The following CDH4 variants were observed in gnomAD, a reference collection of about 807,000 sequenced individuals.
The protein encoded by CDH4 is cadherin 4.
Under a neutral mutation model 86.0 loss-of-function variants are expected in CDH4, and 33 were observed. That is an observed-to-expected ratio of 0.38 (90% CI 0.29 to 0.51). CDH4 has a LOEUF of 0.51. Ranked by LOEUF, CDH4 falls within the 20% of genes least tolerant of loss-of-function variation. The probability of loss-of-function intolerance (pLI) is 0.86; values close to 1 mark genes in which losing one functional copy is unlikely to be tolerated. For synonymous variants in CDH4, 555 were observed against 549.4 expected, an observed-to-expected ratio of 1.01 and a Z score of -0.14; for missense variants, 1,114 against 1,307.4, an observed-to-expected ratio of 0.85 and a Z score of 2.28.
At chr20:61,564,285 G>A (rs948841670) in intron 2 of CDH4, among the ~76,000 whole-genome samples, 2 of 152,208 alleles carry the variant, frequency 1.3e-5, no homozygotes, top group African/African-American at 4.8e-5. Context: ...TGGCCATTAA[G>A]CACAGTGTGT....
intron 2 of CDH4, among the ~76,000 whole-genome samples, chr20:61,349,182 G>A (rs74851981): frequency 0.2 from 30,092 of 152,096 alleles, 2,950 homozygotes; most frequent in Middle Eastern, 0.35. Flanking sequence ...CAGCCCCGAT[G>A]GACAGGCTGG....
Position 61,773,025 on chromosome 20 carries a change from T to C in CDH4, c.419T>C (p.Val140Ala), listed in dbSNP as rs2088794217. 6.2e-7 allele frequency: 1 copy of C among 1,611,740 alleles called. No individual in the cohort carries two copies. The highest frequency in any genetic ancestry group is 8.5e-7 in the Non-Finnish European group (1 of 1,178,468). The change falls in exon 4 of 16, where the codon GTG becomes GCG. Residue 140 changes from valine to alanine, a missense_variant. Physicochemically the swap from Val to Ala is moderately conservative, Grantham distance 64. Coordinates refer to ENST00000614565, the MANE Select transcript of CDH4 (RefSeq NM_001794.5). ...AAGCCGCAGAAAGGAAAGAAGGTCG[T>C]GGCTCTGGACCCCTCTCCGCCTCCG... is the stretch of plus-strand genomic sequence containing the variant. ...GHKPQKGKKVVALDPSPPPKD... is the reference protein window; with the variant it reads ...GHKPQKGKKVAALDPSPPPKD...
intron 2 of CDH4, among the ~76,000 whole-genome samples, chr20:61,427,994 A>T (rs1251056813): frequency 1.3e-5 from 2 of 152,170 alleles, no homozygotes; most frequent in Non-Finnish European, 2.9e-5. Context: ...CAGAGAAAAG[A>T]GAACTACTGA....
At position 61,587,774 on chromosome 20, in the gene CDH4, G is replaced by A. The variant is rs561372756; in HGVS notation, c.170-155789G>A. 5.3e-4 allele frequency among the ~76,000 whole-genome samples: 81 copies of A among 152,278 alleles called. 1 individual carries two copies. The highest frequency in any genetic ancestry group is 1.8e-3 in the African/African-American group (76 of 41,554). Reference sequence around the variant, plus strand: ...CTGAAGGAAAATTAAGCAGCAGAAAGCAGCCACTTTCACTATTATTTATTG... The same window carrying A: ...CTGAAGGAAAATTAAGCAGCAGAAAACAGCCACTTTCACTATTATTTATTG... On this transcript the variant is annotated intron_variant, in intron 2 of 15. Transcript: ENST00000614565.
At chr20:61,739,174 T>A (rs887648518) in intron 2 of CDH4, 1 of 152,348 alleles carries the variant, frequency 6.6e-6, no homozygotes, top group African/African-American at 2.4e-5. Context: ...TCACTCGCCT[T>A]CACGCCTGGG....
At chr20:61,869,253 T>C (rs1195695896) in intron 6 of CDH4, among the ~76,000 whole-genome samples, 2 of 152,162 alleles carry the variant, frequency 1.3e-5, no homozygotes, top group Non-Finnish European at 2.9e-5. Flanking sequence ...AAAAAGAGCA[T>C]ACAGCAGAGG....
chr20:61,815,348 C>T (rs942761015), intron 4 of CDH4, among the ~76,000 whole-genome samples: 10 of 152,200 alleles, frequency 6.6e-5, no homozygotes, highest in African/African-American at 1.9e-4. Flanking sequence ...TTTGTGCCCA[C>T]GAAGGATTTG....
At chr20:61,628,182 A>C (rs115032112) in intron 2 of CDH4, among the ~76,000 whole-genome samples, 2 of 152,072 alleles carry the variant, frequency 1.3e-5, no homozygotes, top group Non-Finnish European at 2.9e-5. Context: ...TCTCATTCAC[A>C]TGTGCGGTTT....
At chr20:61,257,761 T>C (rs2084106913) in intron 2 of CDH4, among the ~76,000 whole-genome samples, 1 of 152,216 alleles carries the variant, frequency 6.6e-6, no homozygotes, top group Admixed American at 6.5e-5. Context: ...TAATAATTAA[T>C]GGCCAGCCCG....
chr20:61,279,712 C>T (rs911594564), intron 2 of CDH4, among the ~76,000 whole-genome samples: 16 of 152,296 alleles, frequency 1.1e-4, no homozygotes, highest in Middle Eastern at 3.4e-3. Flanking sequence ...TTCCAATTTC[C>T]GAGAAATGGG....
At chr20:61,359,749 G>A (rs1041489166) in intron 2 of CDH4, among the ~76,000 whole-genome samples, 7 of 152,224 alleles carry the variant, frequency 4.6e-5, no homozygotes, top group Non-Finnish European at 8.8e-5. Flanking sequence ...CAAGTCTACA[G>A]TGTGCCCTGA....
intron 2 of CDH4, among the ~76,000 whole-genome samples, chr20:61,341,072 C>G (rs561608605): frequency 1.3e-5 from 2 of 152,320 alleles, no homozygotes; most frequent in South Asian, 4.1e-4. Flanking sequence ...ACCTCCTTCC[C>G]TGGAGAGACA....
chr20:61,625,922 C>T (rs1021585996), intron 2 of CDH4, among the ~76,000 whole-genome samples: 14 of 152,232 alleles, frequency 9.2e-5, no homozygotes, highest in Non-Finnish European at 1.9e-4. Flanking sequence ...CTTGACTTCT[C>T]GTCCCACCTC....
chr20:61,581,463 C>T (rs1034796081), intron 2 of CDH4, among the ~76,000 whole-genome samples: 4 of 152,158 alleles, frequency 2.6e-5, no homozygotes, highest in Non-Finnish European at 4.4e-5. Flanking sequence ...CTGGCCCCTC[C>T]TCCATCTTCA....
intron 2 of CDH4, among the ~76,000 whole-genome samples, chr20:61,410,694 T>C (rs1369230905): frequency 6.6e-6 from 1 of 151,644 alleles, no homozygotes; most frequent in Non-Finnish European, 1.5e-5. Context: ...TGTCCATCTG[T>C]TTATCCAGTC....
intron 3 of CDH4, among the ~76,000 whole-genome samples, chr20:61,756,460 A>C (rs553270989): frequency 3.2e-4 from 49 of 152,152 alleles, no homozygotes; most frequent in African/African-American, 1.2e-3. Flanking sequence ...TCTCCTGCAC[A>C]GGCCTGTCCC....
At chr20:61,803,497 G>A (rs996204946) in intron 4 of CDH4, among the ~76,000 whole-genome samples, 10 of 152,216 alleles carry the variant, frequency 6.6e-5, no homozygotes, top group Non-Finnish European at 1.2e-4. Flanking sequence ...CTTTGGTCGG[G>A]GGATTAGAGC....
intron 2 of CDH4, among the ~76,000 whole-genome samples, chr20:61,526,318 G>A (rs911003186): frequency 5.3e-5 from 8 of 152,138 alleles, no homozygotes; most frequent in Non-Finnish European, 8.8e-5. Flanking sequence ...AGAAGGAAAC[G>A]AAGCCCTTTC....
At chr20:61,665,259 C>A (rs1485370006) in intron 2 of CDH4, among the ~76,000 whole-genome samples, 1 of 152,208 alleles carries the variant, frequency 6.6e-6, no homozygotes, top group African/African-American at 2.4e-5. Flanking sequence ...GCCTCCAGAC[C>A]CAGGAAGCTG....
Sources: gnomAD v4.1 joint callset for allele counts (sites outside exome capture counted in the v4.1 genomes callset) on GRCh38, gnomAD v4.1.1 for gene constraint, MANE v1.5 for transcripts, NCBI Gene and HGNC (gene_info 2026-07-23, HGNC 2026-07-21) for gene names.